COL13A1: variants seen among roughly 807,000 people sequenced by gnomAD.
COL13A1 encodes collagen alpha-1(XIII) chain.
A neutral mutation model predicts 130.9 loss-of-function variants in COL13A1; 89 were observed. The observed-to-expected ratio is 0.68, with a 90% CI of 0.57 to 0.81. The LOEUF (loss-of-function observed/expected upper bound fraction) is 0.81, where lower values mean the gene tolerates loss of function less well. Ranked by LOEUF, COL13A1 falls within the 30% of genes least tolerant of loss-of-function variation. The pLI, the probability that COL13A1 is intolerant of heterozygous loss-of-function variation, is 0.00. For missense variants in COL13A1, 879 were observed against 934.6 expected (o/e 0.94, Z 0.78); for synonymous variants, 402 against 341.6 (o/e 1.18, Z -1.95).
chr10:69,851,806 C>A (rs979675913), intron 2 of COL13A1, among the ~76,000 whole-genome samples: 5 of 152,158 alleles, frequency 3.3e-5, no homozygotes, highest in African/African-American at 1.2e-4. Context: ...AGGCTTGCAC[C>A]ACCATCCCCA....
chr10:69,810,305 G>A (rs535594382), intron 1 of COL13A1, among the ~76,000 whole-genome samples: 1 of 150,794 alleles, frequency 6.6e-6, no homozygotes, highest in East Asian at 2.0e-4. Flanking sequence ...CGAGCTCCTC[G>A]GGTGATCGTG....
At chr10:69,874,854 G>A (rs766915019) in intron 4 of COL13A1, among the ~76,000 whole-genome samples, 7 of 152,206 alleles carry the variant, frequency 4.6e-5, no homozygotes, top group Non-Finnish European at 4.4e-5. Flanking sequence ...GGAAACTGAG[G>A]CCCAGGCTGG....
At chr10:69,864,774 C>T (rs12247845) in intron 2 of COL13A1, among the ~76,000 whole-genome samples, 2,698 of 152,250 alleles carry the variant, frequency 0.018, 92 homozygotes, top group African/African-American at 0.062. Context: ...GGTCAAACCC[C>T]GGCGGAGAAC....
chr10:69,883,458 A>G (rs1306188398), intron 7 of COL13A1, among the ~76,000 whole-genome samples: 1 of 152,162 alleles, frequency 6.6e-6, no homozygotes, highest in Non-Finnish European at 1.5e-5. Context: ...CACTCCATTC[A>G]TATTTGTTAA....
At chr10:69,934,002 A>C (rs553137010) in intron 31 of COL13A1, among the ~76,000 whole-genome samples, 17 of 152,172 alleles carry the variant, frequency 1.1e-4, no homozygotes, top group Non-Finnish European at 2.5e-4. Flanking sequence ...TGAAAACGAA[A>C]TTTTATACAT....
intron 14 of COL13A1, among the ~76,000 whole-genome samples, chr10:69,901,517 C>A (rs1209790816): frequency 6.6e-6 from 1 of 152,164 alleles, no homozygotes; most frequent in African/African-American, 2.4e-5. Flanking sequence ...TAGGGGCTTG[C>A]TGAGATCCTC....
chr10:69,828,972 C>T (rs947847772), intron 2 of COL13A1, among the ~76,000 whole-genome samples: 1 of 152,130 alleles, frequency 6.6e-6, no homozygotes. Context: ...GGGTTTCCAG[C>T]CAGGGAGAGC....
At chr10:69,876,744 G>T (rs2059610122) in intron 5 of COL13A1, among the ~76,000 whole-genome samples, 1 of 152,238 alleles carries the variant, frequency 6.6e-6, no homozygotes, top group Non-Finnish European at 1.5e-5. Context: ...CTGAGCCCCT[G>T]TCTTCCAAAT....
chr10:69,923,504 C>T (rs1318473606), intron 23 of COL13A1, among the ~76,000 whole-genome samples: 2 of 152,240 alleles, frequency 1.3e-5, no homozygotes, highest in Non-Finnish European at 2.9e-5. Flanking sequence ...TATCCACCTG[C>T]CATGGGCTGG....
chr10:69,896,773 A>C (rs150229190), intron 13 of COL13A1, among the ~76,000 whole-genome samples: 17 of 152,312 alleles, frequency 1.1e-4, no homozygotes, highest in African/African-American at 3.8e-4. Context: ...GCCCGGGCTG[A>C]GGAAGGCAGG....
chr10:69,882,114 G>A lies in COL13A1; in HGVS notation c.513+1561G>A, dbSNP rs189098413. On this transcript the variant is annotated intron_variant, in intron 7 of 40. Transcript: ENST00000645393. ...TTGGTCCTGATGAAGGTGGTGATGGGAAGGTCATAGAAACAGAAGACAGGC... is the reference window on the plus strand; with the variant it reads ...TTGGTCCTGATGAAGGTGGTGATGGAAAGGTCATAGAAACAGAAGACAGGC... Among the ~76,000 whole-genome samples the A allele has an allele frequency of 1.9e-4, 29 of 152,318 alleles. No individual in the cohort carries two copies. In the East Asian group the frequency reaches 5.2e-3, roughly 27 times the overall value.
chr10:69,944,011 C>T (rs2068061218), intron 35 of COL13A1, 114 bp from the exon 36 acceptor site: 6 of 828,542 alleles, frequency 7.2e-6, no homozygotes, highest in Admixed American at 2.1e-5. Flanking sequence ...AGCCTGGCCT[C>T]GCCAACTCTG....
At chr10:69,823,557 G>A (rs767423315) in intron 2 of COL13A1, among the ~76,000 whole-genome samples, 1 of 152,140 alleles carries the variant, frequency 6.6e-6, no homozygotes, top group Non-Finnish European at 1.5e-5. Flanking sequence ...CTCAGAAGCC[G>A]AGGGACCCAA....
At chr10:69,822,774 A>C (rs993065340) in intron 2 of COL13A1, among the ~76,000 whole-genome samples, 2 of 152,218 alleles carry the variant, frequency 1.3e-5, no homozygotes. Flanking sequence ...CAGCCCCCCA[A>C]GGGGAGGCAC....
At chr10:69,814,038 G>A (rs1430707004) in intron 1 of COL13A1, among the ~76,000 whole-genome samples, 2 of 152,208 alleles carry the variant, frequency 1.3e-5, no homozygotes, top group African/African-American at 4.8e-5. Context: ...CCGGGACCCT[G>A]ACATCTGAGG....
chr10:69,926,920 TG>T (rs543829109), intron 26 of COL13A1, among the ~76,000 whole-genome samples, 166 bp from the exon 27 acceptor site: 2 of 151,920 alleles, frequency 1.3e-5, no homozygotes, highest in African/African-American at 4.8e-5. Context: ...AGAGGTGGGG[TG>T]GGGGTGGTGT....
At chr10:69,912,465 C>A (rs1179796033) in intron 17 of COL13A1, among the ~76,000 whole-genome samples, 1 of 152,034 alleles carries the variant, frequency 6.6e-6, no homozygotes, top group Non-Finnish European at 1.5e-5. Flanking sequence ...AGGGAGAAAA[C>A]CGTTAGCCCT....
intron 2 of COL13A1, among the ~76,000 whole-genome samples, chr10:69,848,241 G>C (rs1853689393): frequency 6.6e-6 from 1 of 152,202 alleles, no homozygotes; most frequent in Non-Finnish European, 1.5e-5. Flanking sequence ...TGAGGTTGCT[G>C]GCGAAGTGTG....
At chr10:69,930,203 G>A in intron 29 of COL13A1, 116 bp downstream of exon 29, 1 of 1,015,152 alleles carries the variant, frequency 9.9e-7, no homozygotes, top group Non-Finnish European at 1.4e-6. Flanking sequence ...GGCAAGGGAA[G>A]GGGAGATGGG....
Sources: gnomAD v4.1 joint callset for allele counts (sites outside exome capture counted in the v4.1 genomes callset) on GRCh38, gnomAD v4.1.1 for gene constraint, MANE v1.5 for transcripts, NCBI Gene and HGNC (gene_info 2026-07-23, HGNC 2026-07-21) for gene names.